The following OBI1 variants were observed in gnomAD, a reference collection of about 807,000 sequenced individuals.
The protein encoded by OBI1 is ring finger protein 219.
In OBI1, 59 loss-of-function variants were observed where a neutral mutation model predicts 62.4. The observed-to-expected ratio is 0.95, with a 90% CI of 0.77 to 1.17. The LOEUF is 1.17. OBI1 is among the 50% of genes most tolerant of loss of function. The pLI, the probability that OBI1 is intolerant of heterozygous loss-of-function variation, is 0.00. For synonymous variants in OBI1, 302 were observed against 292.8 expected, an observed-to-expected ratio of 1.03 and a Z score of -0.32; for missense variants, 875 against 830.9, an observed-to-expected ratio of 1.05 and a Z score of -0.65.
chr13:78,650,896 A>G (rs1388525606), intron 1 of OBI1, among the ~76,000 whole-genome samples: 2 of 152,080 alleles, frequency 1.3e-5, no homozygotes, highest in African/African-American at 4.8e-5. Context: ...TGAGATCACT[A>G]CTTCTCCACT....
intron 1 of OBI1, among the ~76,000 whole-genome samples, chr13:78,650,112 T>C (rs182879900): frequency 8.6e-4 from 131 of 152,350 alleles, no homozygotes; most frequent in African/African-American, 3.1e-3. Flanking sequence ...GGTGTGTATT[T>C]TTCTTATCAA....
At position 78,653,157 on chromosome 13, in the gene OBI1, A is replaced by G. The variant is rs1246430373; in HGVS notation, c.72+5892T>C. Among the ~76,000 whole-genome samples, 5 of 152,298 alleles carry G rather than the reference A, an allele frequency of 3.3e-5. No individual in the cohort carries two copies. The East Asian group carries it at 7.7e-4, about 24-fold the overall frequency. ...TAGACTTACCCACTAGGAGTTACAC[A>G]TTGGCTTCAAACAGCGTTTCTCAAC... On this transcript the variant is annotated intron_variant, in intron 1 of 5. Coordinates refer to ENST00000282003, the MANE Select transcript of OBI1 (RefSeq NM_024546.4).
At chr13:78,628,474 C>A (rs1345843119) in intron 5 of OBI1, among the ~76,000 whole-genome samples, 2 of 152,178 alleles carry the variant, frequency 1.3e-5, no homozygotes, top group East Asian at 3.9e-4. Context: ...AAGGAGACAG[C>A]CATGTAAAGA....
At chr13:78,638,713 C>CT in intron 4 of OBI1, 110 bp downstream of exon 4, 1 of 1,008,138 alleles carries the variant, frequency 9.9e-7, no homozygotes, top group African/African-American at 1.6e-5. Flanking sequence ...AGATTCTGTC[C>CT]TTTCCTCACA....
At chr13:78,631,555 C>T (rs1205611919) in intron 5 of OBI1, among the ~76,000 whole-genome samples, 2 of 152,146 alleles carry the variant, frequency 1.3e-5, no homozygotes, top group Non-Finnish European at 2.9e-5. Flanking sequence ...ATCCAAATCT[C>T]TTAGGAGTCC....
intron 1 of OBI1, among the ~76,000 whole-genome samples, chr13:78,652,485 C>T (rs777504372): frequency 2.0e-5 from 3 of 151,644 alleles, no homozygotes; most frequent in Non-Finnish European, 2.9e-5. Context: ...TAAAACAGTA[C>T]TCATGAAATA....
Position 78,616,375 on chromosome 13 carries a change from T to TG in OBI1, c.1385dup (p.Thr464AspfsTer18). 6.2e-7 allele frequency: 1 copy of TG among 1,613,582 alleles called. No individual in the cohort carries two copies. The highest frequency in any genetic ancestry group is 8.5e-7 in the Non-Finnish European group (1 of 1,179,716). On this transcript the variant is annotated frameshift_variant, in exon 6 of 6. Coordinates refer to ENST00000282003, the MANE Select transcript of OBI1 (RefSeq NM_024546.4). LOFTEE classifies it high-confidence loss of function. ...AACAACAGTCCCAAAATCCTGTCTT[T>TG]GGGGAAGAAAAACATTCTGATTTCT...
Position 78,651,744 on chromosome 13 carries a change from C to T in OBI1, c.73-6747G>A, listed in dbSNP as rs1300498111. On this transcript the variant is annotated intron_variant, in intron 1 of 5. Coordinates refer to ENST00000282003, the MANE Select transcript of OBI1 (RefSeq NM_024546.4). The stretch of plus-strand genomic sequence containing the variant: ...ACTCTCTGTTCATTTATTTAATGTT[C>T]ACCTCTTTCTGCATTGTGCTGTACT... 2.6e-5 allele frequency among the ~76,000 whole-genome samples: 4 copies of T among 152,172 alleles called. No homozygotes were observed. The East Asian group carries it at 5.8e-4, about 22-fold the overall frequency.
At position 78,616,301 on chromosome 13, in the gene OBI1, G is replaced by A. The variant is rs755088068; in HGVS notation, c.1460C>T (p.Thr487Met). The A allele has an allele frequency of 2.8e-5, 45 of 1,613,850 alleles. No homozygotes were observed. The South Asian group carries it at 4.2e-4, about 15-fold the overall frequency. The stretch of plus-strand genomic sequence containing the variant: ...TATTTCTCCAACAGAATTTGCTATC[G>A]TGTTCCCCTCTGAACTTTCAAAATC... The part of the protein sequence containing the change: ...NLDFESSEGN[T>M]IANSVGEISS... Residue 487 changes from threonine to methionine, a missense_variant, in exon 6 of 6, where the codon ACG (threonine) becomes ATG (methionine). Transcript: ENST00000282003.
At chr13:78,658,198 G>A (rs1876766440) in intron 1 of OBI1, among the ~76,000 whole-genome samples, 1 of 152,104 alleles carries the variant, frequency 6.6e-6, no homozygotes, top group Admixed American at 6.5e-5. Flanking sequence ...CACCACAGAC[G>A]TAAAAATAAT....
intron 5 of OBI1, among the ~76,000 whole-genome samples, chr13:78,618,873 G>C (rs1009020251): frequency 2.0e-5 from 3 of 152,144 alleles, no homozygotes; most frequent in African/African-American, 7.2e-5. Flanking sequence ...CAGAGTTGTA[G>C]TTCTGCAAGA....
Position 78,630,314 on chromosome 13 carries a change from A to C in OBI1, c.638+4796T>G, listed in dbSNP as rs114322496. ...TCTAACCATTCACAGAAGTAGGGAG[A>C]ACATAATAAACTCCCATTTACTCAT... On this transcript the variant is annotated intron_variant, in intron 5 of 5. Coordinates refer to ENST00000282003, the MANE Select transcript of OBI1 (RefSeq NM_024546.4). Among the ~76,000 whole-genome samples, 713 of 152,224 alleles carry C rather than the reference A, an allele frequency of 4.7e-3. 5 individuals are homozygous for C. The highest frequency in any genetic ancestry group is 0.016 in the African/African-American group (668 of 41,544).
chr13:78,630,995 T>A (rs1875831403), intron 5 of OBI1, among the ~76,000 whole-genome samples: 1 of 152,202 alleles, frequency 6.6e-6, no homozygotes, highest in African/African-American at 2.4e-5. Flanking sequence ...CTAATCAGTA[T>A]GCTAACAAGT....
chr13:78,643,728 C>T (rs978567787), intron 2 of OBI1, among the ~76,000 whole-genome samples: 9 of 151,796 alleles, frequency 5.9e-5, no homozygotes, highest in African/African-American at 1.9e-4. Flanking sequence ...GCAGAGGTTG[C>T]GGTGAGCCGA....
intron 4 of OBI1, among the ~76,000 whole-genome samples, chr13:78,635,927 T>A (rs955156288): frequency 1.3e-5 from 2 of 152,134 alleles, no homozygotes; most frequent in African/African-American, 4.8e-5. Context: ...CATGCCCAGC[T>A]AATTTTTGTA....
At chr13:78,647,746 G>A (rs1366642724) in intron 1 of OBI1, among the ~76,000 whole-genome samples, 1 of 152,164 alleles carries the variant, frequency 6.6e-6, no homozygotes, top group Non-Finnish European at 1.5e-5. Context: ...CGTCCTACCT[G>A]ATGAGAAATA....
chr13:78,639,540 C>A (rs1046303694), intron 3 of OBI1, among the ~76,000 whole-genome samples: 2 of 150,376 alleles, frequency 1.3e-5, no homozygotes, highest in African/African-American at 4.9e-5. Flanking sequence ...GACACATGCA[C>A]ACGTATGTTT....
chr13:78,656,464 C>T (rs1381734242), intron 1 of OBI1, among the ~76,000 whole-genome samples: 1 of 151,992 alleles, frequency 6.6e-6, no homozygotes, highest in Non-Finnish European at 1.5e-5. Flanking sequence ...TGCCTGTAAT[C>T]CCAGCTACTC....
intron 3 of OBI1, among the ~76,000 whole-genome samples, chr13:78,641,704 C>T (rs1463924975): frequency 6.6e-6 from 1 of 152,036 alleles, no homozygotes. Flanking sequence ...TCATCAGTAA[C>T]TTCATAGGCA....
Sources: gnomAD v4.1 joint callset for allele counts (sites outside exome capture counted in the v4.1 genomes callset) on GRCh38, gnomAD v4.1.1 for gene constraint, MANE v1.5 for transcripts, NCBI Gene and HGNC (gene_info 2026-07-23, HGNC 2026-07-21) for gene names.